SORCS2: variants seen among roughly 807,000 people sequenced by gnomAD.
SORCS2 encodes the protein VPS10 domain-containing receptor SorCS2.
Under a neutral mutation model 141.6 loss-of-function variants are expected in SORCS2, and 100 were observed. The observed-to-expected ratio is 0.71, with a 90% CI of 0.60 to 0.83. The LOEUF (loss-of-function observed/expected upper bound fraction) is 0.83. Among genes scored for constraint, SORCS2 ranks in the 40% least tolerant of loss-of-function variants. The probability of loss-of-function intolerance (pLI) is 0.00; values close to 1 mark genes in which losing one functional copy is unlikely to be tolerated. For missense variants in SORCS2, 1,646 were observed against 1,560.2 expected, an observed-to-expected ratio of 1.05 and a Z score of -0.93; for synonymous variants, 789 against 676.9, an observed-to-expected ratio of 1.17 and a Z score of -2.57.
At chr4:7,262,729 G>A (rs558687924) in intron 1 of SORCS2, among the ~76,000 whole-genome samples, 1 of 152,226 alleles carries the variant, frequency 6.6e-6, no homozygotes, top group African/African-American at 2.4e-5. Flanking sequence ...GGGGAACACT[G>A]GGCACACTGA....
At chr4:7,194,223 A>G (rs138770664) in intron 1 of SORCS2, among the ~76,000 whole-genome samples, 1 of 152,146 alleles carries the variant, frequency 6.6e-6, no homozygotes, top group East Asian at 1.9e-4. Context: ...GTCCCCTAGG[A>G]GACCTCTTCT....
chr4:7,311,208 C>T (rs1286478512), intron 1 of SORCS2, among the ~76,000 whole-genome samples: 2 of 152,194 alleles, frequency 1.3e-5, no homozygotes, highest in African/African-American at 4.8e-5. Context: ...CTCCTCTACT[C>T]AGCATCGCTG....
At chr4:7,453,462 G>A (rs375694636) in intron 2 of SORCS2, among the ~76,000 whole-genome samples, 73 of 143,756 alleles carry the variant, frequency 5.1e-4, no homozygotes, top group African/African-American at 1.6e-3. Context: ...GTCAGGCTCC[G>A]TGTTGGGGTC....
chr4:7,451,008 A>G (rs1490185068), intron 2 of SORCS2, among the ~76,000 whole-genome samples: 2 of 151,782 alleles, frequency 1.3e-5, no homozygotes, highest in Non-Finnish European at 2.9e-5. Flanking sequence ...GAGGGAGTGA[A>G]TGAATGAGGA....
chr4:7,573,977 G>A (rs1715569722), intron 3 of SORCS2, among the ~76,000 whole-genome samples: 2 of 152,224 alleles, frequency 1.3e-5, no homozygotes, highest in South Asian at 4.1e-4. Context: ...AGAAATCCTT[G>A]GCTCTTCCTG....
At position 7,714,256 on chromosome 4, in the gene SORCS2, T is replaced by C. The variant is rs1250238243; in HGVS notation, c.2006T>C (p.Met669Thr). Residue 669 changes from methionine to threonine, a missense_variant, in exon 16 of 27, where the codon ATG becomes ACG. Physicochemically the swap from Met to Thr is moderately conservative, Grantham distance 81 (BLOSUM62 -1). Transcript: ENST00000507866. Reference sequence around the variant, plus strand: ...CTGCTGCAGGGCGACCGCTGTATCATGGGCCAGCAGAGAAGTTTCCGGAAA... The same window carrying C: ...CTGCTGCAGGGCGACCGCTGTATCACGGGCCAGCAGAGAAGTTTCCGGAAA... ...LSNLQGDRCI[M>T]GQQRSFRKRK... 1 of 1,611,176 alleles carries C rather than the reference T, an allele frequency of 6.2e-7. No individual in the cohort carries two copies. Among genetic ancestry groups the C allele is most frequent in the Admixed American group, 1.7e-5 (1 of 59,788 alleles).
At chr4:7,402,701 A>C (rs2109130283) in intron 2 of SORCS2, among the ~76,000 whole-genome samples, 1 of 152,252 alleles carries the variant, frequency 6.6e-6, no homozygotes, top group East Asian at 1.9e-4. Flanking sequence ...CTTATCTGTG[A>C]GGTGACTCAC....
At chr4:7,541,641 G>C (rs1388367218) in intron 3 of SORCS2, among the ~76,000 whole-genome samples, 1 of 152,234 alleles carries the variant, frequency 6.6e-6, no homozygotes, top group Admixed American at 6.5e-5. Flanking sequence ...TTCTTGAAGA[G>C]TGGACATCAG....
chr4:7,661,351 G>C lies in SORCS2; in HGVS notation c.888-149G>C. The C allele has an allele frequency of 5.5e-6, 4 of 725,356 alleles. No homozygotes were observed. The South Asian group carries it at 6.7e-5, about 12-fold the overall frequency. 44.9% of individuals were successfully genotyped at this position (725,356 alleles called of 1,614,324 possible). A position where few individuals can be genotyped will look rare whatever the true frequency, so the allele number is the denominator to read the frequency against. The stretch of plus-strand genomic sequence containing the variant: ...TCCAAGCACCTCAGGAGCAGGTGGG[G>C]TCCTGGGGTGGTGATGCCCTCCGGA... On this transcript the variant is annotated intron_variant, in intron 5 of 26. Coordinates refer to ENST00000507866, the MANE Select transcript of SORCS2 (RefSeq NM_020777.3).
At chr4:7,202,914 A>C (rs1384985430) in intron 1 of SORCS2, among the ~76,000 whole-genome samples, 1 of 152,008 alleles carries the variant, frequency 6.6e-6, no homozygotes, top group Non-Finnish European at 1.5e-5. Context: ...TAATAATCAC[A>C]GCCCCTATCT....
At chr4:7,232,384 G>C (rs1418713310) in intron 1 of SORCS2, among the ~76,000 whole-genome samples, 2 of 152,302 alleles carry the variant, frequency 1.3e-5, no homozygotes, top group Admixed American at 1.3e-4. Context: ...AGACTCCTAG[G>C]ACCCAGGGCC....
chr4:7,450,961 AGAGT>A, intron 2 of SORCS2, among the ~76,000 whole-genome samples: 1 of 150,296 alleles, frequency 6.7e-6, no homozygotes, highest in Middle Eastern at 3.5e-3. Flanking sequence ...AGTGGATGGG[AGAGT>A]GAGTGAATGC....
intron 5 of SORCS2, among the ~76,000 whole-genome samples, chr4:7,656,052 G>A (rs1382949322): frequency 3.3e-5 from 5 of 152,236 alleles, no homozygotes; most frequent in South Asian, 2.1e-4. Context: ...TGGTGACAGC[G>A]GTGGGGATAT....
At chr4:7,683,641 A>G (rs578139965) in intron 10 of SORCS2, among the ~76,000 whole-genome samples, 29 of 152,320 alleles carry the variant, frequency 1.9e-4, no homozygotes, top group African/African-American at 6.0e-4. Context: ...TACTCTGCCC[A>G]TGGGAGTGAG....
chr4:7,382,461 T>C (rs1196106673), intron 1 of SORCS2, among the ~76,000 whole-genome samples: 1 of 151,988 alleles, frequency 6.6e-6, no homozygotes, highest in South Asian at 2.1e-4. Flanking sequence ...CTGCACCAGA[T>C]CCCCGAGTTG....
Position 7,739,327 on chromosome 4 carries a change from C to G in SORCS2, c.3416-873C>G, listed in dbSNP as rs368006857. Among the ~76,000 whole-genome samples, 34 of 152,240 alleles carry G rather than the reference C, an allele frequency of 2.2e-4. No homozygotes were observed. In the East Asian group the frequency reaches 6.2e-3, roughly 28 times the overall value. On this transcript the variant is annotated intron_variant, in intron 26 of 26. Transcript: ENST00000507866. ...TTGGGGCTCCCTCTCCTGCAGGCGGCATCACCCCCATGCTCACCCCCAGGC... is the reference window on the plus strand; with the variant it reads ...TTGGGGCTCCCTCTCCTGCAGGCGGGATCACCCCCATGCTCACCCCCAGGC...
At chr4:7,406,206 T>G (rs1724960204) in intron 2 of SORCS2, among the ~76,000 whole-genome samples, 1 of 151,682 alleles carries the variant, frequency 6.6e-6, no homozygotes, top group South Asian at 2.1e-4. Flanking sequence ...TTTTTTGTTG[T>G]GTCCTTTTCT....
chr4:7,299,780 C>T (rs769059468), intron 1 of SORCS2, among the ~76,000 whole-genome samples: 3 of 152,214 alleles, frequency 2.0e-5, no homozygotes, highest in Non-Finnish European at 4.4e-5. Context: ...GTTTCTGCTT[C>T]CTGGGACTTC....
At chr4:7,667,854 G>A (rs894952908) in intron 8 of SORCS2, among the ~76,000 whole-genome samples, 24 of 152,320 alleles carry the variant, frequency 1.6e-4, no homozygotes, top group Non-Finnish European at 7.3e-5. Context: ...CCACCTAACA[G>A]AGGAGGTGAT....
Sources: gnomAD v4.1 joint callset for allele counts (sites outside exome capture counted in the v4.1 genomes callset) on GRCh38, gnomAD v4.1.1 for gene constraint, MANE v1.5 for transcripts, NCBI Gene and HGNC (gene_info 2026-07-23, HGNC 2026-07-21) for gene names.